Variants in ROBO1 observed in about 807,000 individuals in gnomAD.
ROBO1 encodes roundabout homolog 1.
A neutral mutation model predicts 195.9 loss-of-function variants in ROBO1; 149 were observed. The ratio of observed to expected loss-of-function variants is 0.76; its 90% CI spans 0.67 to 0.87. The LOEUF (loss-of-function observed/expected upper bound fraction) is 0.87. Ranked by LOEUF, ROBO1 falls within the 40% of genes least tolerant of loss-of-function variation. ROBO1 has a pLI of 0.00. For synonymous variants in ROBO1, 816 were observed against 733.2 expected, an observed-to-expected ratio of 1.11 and a Z score of -1.82; for missense variants, 1,933 against 2,068.3, an observed-to-expected ratio of 0.93 and a Z score of 1.27.
intron 4 of ROBO1, among the ~76,000 whole-genome samples, chr3:78,763,786 C>CA (rs2108381635): frequency 6.6e-6 from 1 of 152,314 alleles, no homozygotes; most frequent in African/African-American, 2.4e-5. Flanking sequence ...TTCCTCTACC[C>CA]AATCCATTCC....
At chr3:79,745,318 G>C (rs1169158664) in intron 1 of ROBO1, among the ~76,000 whole-genome samples, 1 of 152,086 alleles carries the variant, frequency 6.6e-6, no homozygotes, top group Non-Finnish European at 1.5e-5. Flanking sequence ...GGAAATAATC[G>C]TATTAATGTA....
intron 2 of ROBO1, among the ~76,000 whole-genome samples, chr3:79,326,860 G>T (rs1327078564): frequency 6.6e-6 from 1 of 152,128 alleles, no homozygotes; most frequent in African/African-American, 2.4e-5. Flanking sequence ...TCAACTAAAT[G>T]AATATTATTT....
At chr3:78,960,792 ACACACACAC>A (rs2041298849) in intron 3 of ROBO1, among the ~76,000 whole-genome samples, 2 of 137,024 alleles carry the variant, frequency 1.5e-5, no homozygotes, top group Non-Finnish European at 3.2e-5. Context: ...ACACACACAC[ACACACACAC>A]ACACACACAC....
intron 4 of ROBO1, among the ~76,000 whole-genome samples, chr3:78,774,019 TG>T: frequency 6.6e-6 from 1 of 152,346 alleles, no homozygotes; most frequent in Non-Finnish European, 1.5e-5. Context: ...GAAACAATCT[TG>T]GGAGATGCAC....
At chr3:79,058,455 C>A (rs1469576478) in intron 3 of ROBO1, among the ~76,000 whole-genome samples, 1 of 152,038 alleles carries the variant, frequency 6.6e-6, no homozygotes, top group Non-Finnish European at 1.5e-5. Flanking sequence ...GAACTTTGGA[C>A]ATTGGCTATT....
At chr3:79,541,549 A>G (rs929242978) in intron 2 of ROBO1, among the ~76,000 whole-genome samples, 2 of 152,070 alleles carry the variant, frequency 1.3e-5, no homozygotes, top group African/African-American at 4.8e-5. Context: ...TGCATATAAA[A>G]TATTCCTCCC....
At chr3:79,372,874 T>C (rs2036249965) in intron 2 of ROBO1, among the ~76,000 whole-genome samples, 1 of 151,912 alleles carries the variant, frequency 6.6e-6, no homozygotes, top group African/African-American at 2.4e-5. Flanking sequence ...TATTAGCATG[T>C]TGTAAAAACT....
chr3:79,516,965 C>T lies in ROBO1; in HGVS notation c.88+72859G>A, dbSNP rs182316337. 2.8e-3 allele frequency among the ~76,000 whole-genome samples: 427 copies of T among 152,262 alleles called. 3 individuals carry two copies. The highest frequency in any genetic ancestry group is 2.6e-3 in the Non-Finnish European group (176 of 68,024). On this transcript the variant is annotated intron_variant, in intron 2 of 30. Coordinates refer to ENST00000464233, the MANE Select transcript of ROBO1 (RefSeq NM_002941.4). Reference sequence around the variant, plus strand: ...CATGAGAGTAGGTGTTCCCCACACTCTGGTCAAGAGGATGTGTCATCAGAC... The same window carrying T: ...CATGAGAGTAGGTGTTCCCCACACTTTGGTCAAGAGGATGTGTCATCAGAC...
At chr3:78,714,587 T>A (rs988814021) in intron 7 of ROBO1, 63 bp from the exon 8 acceptor site, 13 of 1,469,750 alleles carry the variant, frequency 8.8e-6, no homozygotes. Context: ...CTCATTATTA[T>A]ACACACAATG....
At chr3:79,418,794 G>C (rs753172167) in intron 2 of ROBO1, among the ~76,000 whole-genome samples, 1 of 152,070 alleles carries the variant, frequency 6.6e-6, no homozygotes, top group Non-Finnish European at 1.5e-5. Flanking sequence ...TGACCAGATA[G>C]CAAGAAAACT....
chr3:78,660,990 T>C (rs758265785), intron 16 of ROBO1, 40 bp downstream of exon 16: 21 of 1,332,252 alleles, frequency 1.6e-5, no homozygotes, highest in Non-Finnish European at 2.2e-5. Context: ...CTAACAAATA[T>C]ACTGCAATGC....
At chr3:79,742,285 A>G (rs1254926047) in intron 1 of ROBO1, among the ~76,000 whole-genome samples, 1 of 152,204 alleles carries the variant, frequency 6.6e-6, no homozygotes, top group Non-Finnish European at 1.5e-5. Context: ...TGGGGGCCTA[A>G]GAGGAAAAAT....
intron 30 of ROBO1, 135 bp downstream of exon 30, chr3:78,599,978 T>G: frequency 2.7e-6 from 2 of 752,718 alleles, no homozygotes; most frequent in Non-Finnish European, 2.3e-6. Flanking sequence ...AACTTCAGTT[T>G]CTGCCATCAT....
intron 1 of ROBO1, among the ~76,000 whole-genome samples, chr3:79,631,096 G>A (rs1310794635): frequency 6.6e-6 from 1 of 151,640 alleles, no homozygotes; most frequent in African/African-American, 2.4e-5. Context: ...CAGATTCAAT[G>A]AAAATCTTAT....
At chr3:79,655,763 A>G (rs1027002437) in intron 1 of ROBO1, among the ~76,000 whole-genome samples, 8 of 152,132 alleles carry the variant, frequency 5.3e-5, no homozygotes, top group African/African-American at 1.9e-4. Context: ...TGTCTCAAAA[A>G]GAGCAAGCTA....
At chr3:79,024,335 A>G (rs2078162159) in intron 3 of ROBO1, among the ~76,000 whole-genome samples, 1 of 152,150 alleles carries the variant, frequency 6.6e-6, no homozygotes, top group African/African-American at 2.4e-5. Context: ...GAGCTTTTGA[A>G]GATAAAGGAG....
chr3:79,073,120 A>G (rs2079115880), intron 3 of ROBO1, among the ~76,000 whole-genome samples: 1 of 151,996 alleles, frequency 6.6e-6, no homozygotes, highest in African/African-American at 2.4e-5. Flanking sequence ...GCAAGATAAC[A>G]TTTGGATTCT....
chr3:79,016,355 G>A (rs943283113), intron 3 of ROBO1, among the ~76,000 whole-genome samples: 4 of 152,276 alleles, frequency 2.6e-5, no homozygotes, highest in African/African-American at 9.6e-5. Context: ...AAGTGGCAAA[G>A]CAGATAGGCA....
chr3:79,139,163 A>G (rs1044952849), intron 2 of ROBO1, among the ~76,000 whole-genome samples: 2 of 151,550 alleles, frequency 1.3e-5, no homozygotes, highest in Non-Finnish European at 2.9e-5. Context: ...ATGCTATTAT[A>G]TATGTATATA....
Sources: allele counts gnomAD v4.1 joint callset (sites outside exome capture counted in the v4.1 genomes callset), GRCh38; gene constraint gnomAD v4.1.1; transcripts MANE v1.5; gene names NCBI Gene and HGNC (gene_info 2026-07-23, HGNC 2026-07-21).